Variants in DCUN1D2 observed in about 807,000 individuals in gnomAD.
The protein encoded by DCUN1D2 is DCN1-like protein 2.
In DCUN1D2, 29 loss-of-function variants were observed where a neutral mutation model predicts 30.9. The ratio of observed to expected loss-of-function variants is 0.94; its 90% confidence interval spans 0.70 to 1.28. The LOEUF (loss-of-function observed/expected upper bound fraction) is 1.28, where lower values mean the gene tolerates loss of function less well. DCUN1D2 is among the 50% of genes most tolerant of loss of function. The probability of loss-of-function intolerance (pLI) is 0.00; values close to 1 mark genes in which losing one functional copy is unlikely to be tolerated. For missense variants in DCUN1D2, 325 were observed against 316.9 expected (o/e 1.03, Z -0.19); for synonymous variants, 121 against 115.3 (o/e 1.05, Z -0.32).
intron 6 of DCUN1D2, among the ~76,000 whole-genome samples, chr13:113,458,345 G>A (rs1241069506): frequency 2.0e-5 from 3 of 152,242 alleles, no homozygotes; most frequent in Non-Finnish European, 4.4e-5. Context: ...TGGGCTCACA[G>A]TGGCCCCGGA....
chr13:113,472,173 C>G (rs1193719716), intron 4 of DCUN1D2, among the ~76,000 whole-genome samples: 1 of 152,110 alleles, frequency 6.6e-6, no homozygotes, highest in Non-Finnish European at 1.5e-5. Context: ...CTATCCTCAC[C>G]TGTGCCCGTG....
At chr13:113,476,359 C>G (rs1434255416) in intron 3 of DCUN1D2, among the ~76,000 whole-genome samples, 2 of 152,166 alleles carry the variant, frequency 1.3e-5, no homozygotes, top group Non-Finnish European at 2.9e-5. Flanking sequence ...ATTTTAGCAC[C>G]CAAGAGGGTG....
In DCUN1D2 at chr13:113,457,970, T is replaced by C. The variant is rs2044252628; in HGVS notation, c.*59A>G. On this transcript the variant is annotated 3_prime_UTR_variant, in exon 7 of 7. Transcript: ENST00000478244. ...AGCGACAATGCACCCAGGAACTGAC[T>C]GCAATCTCCTTGCAGGATACAAATC... 1 of 1,492,554 alleles carries C rather than the reference T, an allele frequency of 6.7e-7. No individual in the cohort carries two copies. Among genetic ancestry groups the C allele is most frequent in the Admixed American group, 1.7e-5 (1 of 59,802 alleles). The allele number at this position is 1,492,554 out of a possible 1,614,324, so 92.5% of individuals were successfully genotyped here. A position where few individuals can be genotyped will look rare whatever the true frequency, so the allele number is the denominator to read the frequency against.
At chr13:113,487,252 C>A (rs897760056) in intron 1 of DCUN1D2, among the ~76,000 whole-genome samples, 2 of 152,124 alleles carry the variant, frequency 1.3e-5, no homozygotes, top group Admixed American at 1.3e-4. Flanking sequence ...AGTGCAGCCC[C>A]CAAAATGGTC....
chr13:113,468,508 T>C (rs1261518479), intron 4 of DCUN1D2, among the ~76,000 whole-genome samples: 1 of 152,206 alleles, frequency 6.6e-6, no homozygotes, highest in African/African-American at 2.4e-5. Context: ...AACCGTACAC[T>C]TAAAAACAGT....
chr13:113,474,209 C>T lies in DCUN1D2; in HGVS notation c.435G>A (p.Glu145=). The T allele has an allele frequency of 1.2e-6, 2 of 1,614,164 alleles. No individual in the cohort carries two copies. The highest frequency in any genetic ancestry group is 2.2e-5 in the East Asian group (1 of 44,882). ...EKLKALLPRL[E]QELKDTAKFK... is the part of the protein sequence containing the mutation. ...ACTTGGCTGTGTCCTTCAGCTCCTG[C>T]TCCAGTCTTGGCAGAAGAGCCTTTA... is the stretch of plus-strand genomic sequence containing the variant. Residue 145 remains glutamate, a synonymous_variant, in exon 4 of 7, where the codon GAG becomes GAA. Coordinates refer to ENST00000478244, the MANE Select transcript of DCUN1D2 (RefSeq NM_001014283.2).
At chr13:113,476,140 G>A (rs970742704) in intron 3 of DCUN1D2, 5 of 152,238 alleles carry the variant, frequency 3.3e-5, no homozygotes, top group South Asian at 2.1e-4. Flanking sequence ...TGAACATTCC[G>A]GCTGTTTCTA....
intron 3 of DCUN1D2, among the ~76,000 whole-genome samples, chr13:113,479,862 G>A (rs975572551): frequency 1.3e-5 from 2 of 152,144 alleles, no homozygotes; most frequent in Admixed American, 6.5e-5. Flanking sequence ...CTTTTTATAC[G>A]ACTGGCAGTG....
intron 3 of DCUN1D2, 138 bp from the exon 4 acceptor site, chr13:113,474,392 G>T (rs1292525849): frequency 4.2e-6 from 5 of 1,186,992 alleles, no homozygotes; most frequent in Non-Finnish European, 5.9e-6. Flanking sequence ...TCCCAGGCGC[G>T]GCCTAAGGCT....
At chr13:113,468,299 G>C (rs2044441498) in intron 4 of DCUN1D2, among the ~76,000 whole-genome samples, 3 of 152,148 alleles carry the variant, frequency 2.0e-5, no homozygotes, top group South Asian at 4.1e-4. Context: ...CATACTGTGT[G>C]ATTCCACTTA....
intron 1 of DCUN1D2, chr13:113,489,262 G>T: frequency 5.4e-6 from 3 of 551,406 alleles, no homozygotes; most frequent in Non-Finnish European, 6.9e-6. Flanking sequence ...TCCTGAACAT[G>T]TTCAAGTTTT....
Position 113,456,470 on chromosome 13 carries a change from A to G in DCUN1D2, c.*1559T>C, listed in dbSNP as rs2044227711. The G allele has an allele frequency of 2.5e-6, 1 of 398,196 alleles. No homozygotes were observed. Among genetic ancestry groups the G allele is most frequent in the Non-Finnish European group, 4.4e-6 (1 of 226,090 alleles). 24.7% of individuals were successfully genotyped at this position (398,196 alleles called of 1,614,324 possible). On this transcript the variant is annotated 3_prime_UTR_variant, in exon 7 of 7. Transcript: ENST00000478244. ...GCTTGTCTGGGCCATGCTCTCTCACACCGCAGCTAGGTCATCTGCGGCGAC... is the reference window on the plus strand; with the variant it reads ...GCTTGTCTGGGCCATGCTCTCTCACGCCGCAGCTAGGTCATCTGCGGCGAC...
intron 1 of DCUN1D2, among the ~76,000 whole-genome samples, chr13:113,487,435 T>C (rs779194363): frequency 1.5e-4 from 23 of 152,166 alleles, no homozygotes; most frequent in Non-Finnish European, 2.1e-4. Flanking sequence ...CTTTTGACAC[T>C]GAGTAAAAGA....
In DCUN1D2 at chr13:113,488,650, G is replaced by C. The variant is rs532286465; in HGVS notation, c.3+2017C>G. On this transcript the variant is annotated intron_variant, in intron 1 of 6. Coordinates refer to ENST00000478244, the MANE Select transcript of DCUN1D2 (RefSeq NM_001014283.2). The surrounding 1 kb of genome is among the most constrained non-coding windows in gnomAD (Gnocchi z 4.3). ...GCAGTAAGCTTTGAGTGCACCAAGAGAGGACTGAACCCAGGTCAAATTAAC... is the reference window on the plus strand; with the variant it reads ...GCAGTAAGCTTTGAGTGCACCAAGACAGGACTGAACCCAGGTCAAATTAAC... Among the ~76,000 whole-genome samples, 4 of 152,242 alleles carry C rather than the reference G, an allele frequency of 2.6e-5. No homozygotes were observed. The highest frequency in any genetic ancestry group is 2.0e-4 in the Admixed American group (3 of 15,296).
chr13:113,469,505 C>T (rs190169082), intron 4 of DCUN1D2, among the ~76,000 whole-genome samples: 4 of 151,906 alleles, frequency 2.6e-5, no homozygotes, highest in African/African-American at 9.7e-5. Flanking sequence ...CACAGTAAAA[C>T]TCCGTCCCTC....
rs907409491 is a variant in DCUN1D2 at position 113,456,121 on chromosome 13, C to T, written c.*1908G>A. 5 of 398,218 alleles carry T rather than the reference C, an allele frequency of 1.3e-5. No homozygotes were observed. Among genetic ancestry groups the T allele is most frequent in the African/African-American group, 6.2e-5 (3 of 48,628 alleles). The allele number at this position is 398,218 out of a possible 1,614,324, so 24.7% of individuals were successfully genotyped here. A position where few individuals can be genotyped will look rare whatever the true frequency, so the allele number is the denominator to read the frequency against. ...CACGTTTTTGAGGTTTGTATTAATG[C>T]CAGTTTTTATTGTATTAGACAAATG... is the stretch of plus-strand genomic sequence containing the variant. On this transcript the variant is annotated 3_prime_UTR_variant, in exon 7 of 7. Coordinates refer to ENST00000478244, the MANE Select transcript of DCUN1D2 (RefSeq NM_001014283.2).
intron 2 of DCUN1D2, among the ~76,000 whole-genome samples, chr13:113,483,364 C>T (rs1336492980): frequency 6.6e-6 from 1 of 152,214 alleles, no homozygotes; most frequent in Non-Finnish European, 1.5e-5. Context: ...AGGGCTGACA[C>T]GCCACTACCC....
At position 113,484,043 on chromosome 13, in the gene DCUN1D2, G is replaced by T. The variant is rs369549872; in HGVS notation, c.17C>A (p.Ser6Ter). Residue 6 changes from serine to a stop codon, truncating the protein, a stop_gained, in exon 2 of 7, where the codon TCG becomes TAG. Coordinates refer to ENST00000478244, the MANE Select transcript of DCUN1D2 (RefSeq NM_001014283.2). LOFTEE classifies it high-confidence loss of function. ...CTGGCGGACCTTGTCCTTCTGAGAC[G>T]ATTTAAGCTTATGCTTTGGGATGCA... The part of the protein sequence containing the change: MHKLK[S>*]SQKDKVRQFM... 14 of 1,613,626 alleles carry T rather than the reference G, an allele frequency of 8.7e-6. No individual in the cohort carries two copies. In the South Asian group the frequency reaches 1.2e-4, roughly 14 times the overall value.
chr13:113,471,475 A>C, intron 4 of DCUN1D2, among the ~76,000 whole-genome samples: 1 of 152,272 alleles, frequency 6.6e-6, no homozygotes, highest in East Asian at 1.9e-4. Context: ...CAAATGCTTA[A>C]ACCTATAATT....
Sources: gnomAD v4.1 joint callset for allele counts (sites outside exome capture counted in the v4.1 genomes callset) on GRCh38, gnomAD v4.1.1 for gene constraint, Gnocchi (gnomAD v3.1) non-coding constraint, MANE v1.5 for transcripts, NCBI Gene and HGNC (gene_info 2026-07-23, HGNC 2026-07-21) for gene names.